GREB1: variants seen among roughly 807,000 people sequenced by gnomAD.
The protein encoded by GREB1 is growth regulating estrogen receptor binding 1.
A neutral mutation model predicts 200.7 loss-of-function variants in GREB1; 106 were observed. The ratio of observed to expected loss-of-function variants is 0.53; its 90% CI spans 0.45 to 0.62. GREB1 has a LOEUF of 0.62. GREB1 is among the 20% of genes least tolerant of loss of function. GREB1 has a pLI of 0.00. For missense variants in GREB1, 2,243 were observed against 2,556.8 expected (o/e 0.88, Z 2.65); for synonymous variants, 1,132 against 1,092.4 (o/e 1.04, Z -0.72).
In GREB1 at chr2:11,640,258, T is replaced by C. The variant is rs771163400; in HGVS notation, c.5687-33T>C. The stretch of plus-strand genomic sequence containing the variant: ...CTTTCCTCTGGATAAACTCACCTTT[T>C]CCCTTCCCACACCTCTGCCGTTGTC... On this transcript the variant is annotated intron_variant, in intron 32 of 32. Coordinates refer to ENST00000381486, the MANE Select transcript of GREB1 (RefSeq NM_014668.4). This position sits in a 1 kb window ranked among gnomAD's most constrained non-coding sequence, Gnocchi z 4.6. The C allele has an allele frequency of 1.9e-6, 3 of 1,588,480 alleles. No individual in the cohort carries two copies. The East Asian group carries it at 6.7e-5, about 36-fold the overall frequency.
Position 11,595,306 on chromosome 2 carries a change from G to A in GREB1, c.1752G>A (p.Gln584=). 1 of 1,614,014 alleles carries A rather than the reference G, an allele frequency of 6.2e-7. No homozygotes were observed. Among genetic ancestry groups the A allele is most frequent in the Non-Finnish European group, 8.5e-7 (1 of 1,179,872 alleles). ...GCCTTCTCACTCCTGCGGAGTACCAGAAGGAAGTCAATTACGAGCTGGTTA... is the reference window on the plus strand; with the variant it reads ...GCCTTCTCACTCCTGCGGAGTACCAAAAGGAAGTCAATTACGAGCTGGTTA... ...SESLLTPAEY[Q]KEVNYELVTG... is the part of the protein sequence containing the mutation. Residue 584 remains glutamine (Q), a synonymous_variant, in exon 12 of 33, where the codon CAG becomes CAA. Transcript: ENST00000381486.
chr2:11,615,083 C>G lies in GREB1; in HGVS notation c.3123-8C>G. 6.2e-7 allele frequency: 1 copy of G among 1,609,624 alleles called. No individual in the cohort carries two copies. The highest frequency in any genetic ancestry group is 1.1e-5 in the South Asian group (1 of 90,916). ...ACTAAACAGACACCTTCTTCTGTGT[C>G]TTGCTAGGTCTTTGAGGTACTGTGA... On this transcript the variant is annotated splice_region_variant and splice_polypyrimidine_tract_variant and intron_variant, in intron 19 of 32. Transcript: ENST00000381486.
At chr2:11,560,966 G>A (rs1377876575) in intron 2 of GREB1, among the ~76,000 whole-genome samples, 1 of 152,176 alleles carries the variant, frequency 6.6e-6, no homozygotes, top group African/African-American at 2.4e-5. Flanking sequence ...CCACTGGGCT[G>A]CCCAACACAC....
chr2:11,637,924 T>C lies in GREB1; in HGVS notation c.5547+8T>C. Reference sequence around the variant, plus strand: ...CTGAACCTGGGATCTCAGGTGACTTTCAGAGGGGGTGCTGTCGAATCCCTA... The same window carrying C: ...CTGAACCTGGGATCTCAGGTGACTTCCAGAGGGGGTGCTGTCGAATCCCTA... On this transcript the variant is annotated splice_region_variant and intron_variant, in intron 31 of 32. Coordinates refer to ENST00000381486, the MANE Select transcript of GREB1 (RefSeq NM_014668.4). 1 of 1,609,366 alleles carries C rather than the reference T, an allele frequency of 6.2e-7. No individual in the cohort carries two copies. The highest frequency in any genetic ancestry group is 8.5e-7 in the Non-Finnish European group (1 of 1,176,070).
At chr2:11,503,462 T>G (rs1275464091) in intron 1 of GREB1, among the ~76,000 whole-genome samples, 1 of 152,220 alleles carries the variant, frequency 6.6e-6, no homozygotes, top group Non-Finnish European at 1.5e-5. Flanking sequence ...TTTTATAATA[T>G]TATGACAAAT....
intron 1 of GREB1, among the ~76,000 whole-genome samples, chr2:11,494,206 C>G (rs1312858942): frequency 6.6e-6 from 1 of 152,264 alleles, no homozygotes; most frequent in Non-Finnish European, 1.5e-5. Flanking sequence ...AGAAGATGGG[C>G]TACAGGGGCA....
chr2:11,617,307 C>A (rs978333045), intron 21 of GREB1, among the ~76,000 whole-genome samples: 2 of 152,300 alleles, frequency 1.3e-5, no homozygotes, highest in South Asian at 2.1e-4. Flanking sequence ...GAAACAGAGG[C>A]CCCGGGCAAG....
chr2:11,591,992 G>GT, intron 10 of GREB1: 6 of 984,708 alleles, frequency 6.1e-6, no homozygotes, highest in Non-Finnish European at 7.2e-6. Context: ...AGCAATACAT[G>GT]TTTTTATTCC....
rs928564228 is a variant in GREB1 at position 11,493,488 on chromosome 2, G to A, written c.-159+11107G>A. Among the ~76,000 whole-genome samples, 5 of 152,138 alleles carry A rather than the reference G, an allele frequency of 3.3e-5. No homozygotes were observed. Among genetic ancestry groups the A allele is most frequent in the Admixed American group, 3.3e-4 (5 of 15,270 alleles). On this transcript the variant is annotated intron_variant, in intron 1 of 2. Transcript: ENST00000628795. This position sits in a 1 kb window ranked among gnomAD's most constrained non-coding sequence, Gnocchi z 4.6. The stretch of plus-strand genomic sequence containing the variant: ...CTCAGGTGGTAATGACAGCAATGGG[G>A]AGCGACTGTAAATACAGATGAAACT...
chr2:11,531,443 G>T (rs1022672682), upstream of GREB1, among the ~76,000 whole-genome samples: 1 of 151,958 alleles, frequency 6.6e-6, no homozygotes, highest in Admixed American at 6.6e-5. Context: ...CCCCAAAAAA[G>T]CTGTTTATAA....
chr2:11,523,890 G>A (rs1186658386), intron 1 of GREB1, among the ~76,000 whole-genome samples: 2 of 152,196 alleles, frequency 1.3e-5, no homozygotes, highest in African/African-American at 4.8e-5. Flanking sequence ...AAAGTGTCTG[G>A]CACAGAATGG....
At chr2:11,612,337 G>T in intron 18 of GREB1, 158 bp from the exon 19 acceptor site, 1 of 1,384,732 alleles carries the variant, frequency 7.2e-7, no homozygotes, top group Non-Finnish European at 9.4e-7. Context: ...TGGCCAAGTG[G>T]ATGGTGTGCT....
intron 30 of GREB1, among the ~76,000 whole-genome samples, chr2:11,635,838 C>T (rs1685271140): frequency 6.6e-6 from 1 of 152,176 alleles, no homozygotes; most frequent in South Asian, 2.1e-4. Flanking sequence ...TATGTGTGTT[C>T]CAGCTGAGCA....
At chr2:11,623,442 T>C (rs2148383215) in intron 23 of GREB1, among the ~76,000 whole-genome samples, 1 of 152,352 alleles carries the variant, frequency 6.6e-6, no homozygotes, top group Middle Eastern at 3.4e-3. Flanking sequence ...GGAGGCATTG[T>C]TCTCATAGGA....
chr2:11,513,486 G>C (rs1248380924), intron 1 of GREB1, among the ~76,000 whole-genome samples: 2 of 152,262 alleles, frequency 1.3e-5, no homozygotes, highest in East Asian at 3.9e-4. Flanking sequence ...GGGTTTATAG[G>C]GAAGCTCTTA....
chr2:11,607,218 G>A (rs1682384208), intron 17 of GREB1, among the ~76,000 whole-genome samples: 1 of 151,600 alleles, frequency 6.6e-6, no homozygotes, highest in Non-Finnish European at 1.5e-5. Flanking sequence ...CAAACAGCTG[G>A]GACTACAGGT....
At chr2:11,536,028 G>T (rs76337119) in intron 1 of GREB1, among the ~76,000 whole-genome samples, 1,784 of 152,110 alleles carry the variant, frequency 0.012, 35 homozygotes, top group African/African-American at 0.041. Context: ...CATGTTCTCT[G>T]CTCTCCTGGG....
chr2:11,510,688 A>ATT (rs56901979), intron 1 of GREB1, among the ~76,000 whole-genome samples: 30 of 102,244 alleles, frequency 2.9e-4, no homozygotes, highest in African/African-American at 1.1e-3. Context: ...GAACATATGG[A>ATT]TTTTTTTTTT....
intron 1 of GREB1, among the ~76,000 whole-genome samples, chr2:11,525,496 CA>C (rs764748651): frequency 0.025 from 1,236 of 50,090 alleles, 7 homozygotes; most frequent in African/African-American, 0.051. Flanking sequence ...GACTCCATCT[CA>C]AAAAAAAAAA....
Sources: gnomAD v4.1 joint callset for allele counts (sites outside exome capture counted in the v4.1 genomes callset) on GRCh38, gnomAD v4.1.1 for gene constraint, Gnocchi (gnomAD v3.1) non-coding constraint, MANE v1.5 for transcripts, NCBI Gene and HGNC (gene_info 2026-07-23, HGNC 2026-07-21) for gene names.